The following SEMA5A variants were observed in gnomAD, a reference collection of about 807,000 sequenced individuals.
The protein encoded by SEMA5A is semaphorin 5A.
SEMA5A carries 55 observed loss-of-function variants against 135.5 expected under a neutral mutation model. The observed-to-expected ratio is 0.41, with a 90% CI of 0.33 to 0.51. The LOEUF (loss-of-function observed/expected upper bound fraction) is 0.51, where lower values mean the gene tolerates loss of function less well. Among genes scored for constraint, SEMA5A ranks in the 20% least tolerant of loss-of-function variants. The probability of loss-of-function intolerance (pLI) is 0.37; values close to 1 mark genes in which losing one functional copy is unlikely to be tolerated. For missense variants in SEMA5A, 1,290 were observed against 1,419.9 expected (o/e 0.91, Z 1.47); for synonymous variants, 580 against 546.5 (o/e 1.06, Z -0.85).
intron 16 of SEMA5A, among the ~76,000 whole-genome samples, chr5:9,084,338 T>C (rs1310430199): frequency 6.6e-6 from 1 of 152,146 alleles, no homozygotes; most frequent in East Asian, 1.9e-4. Flanking sequence ...GGGCTCCTTG[T>C]TCTCCAGTGA....
At chr5:9,354,156 G>A (rs1262511454) in intron 3 of SEMA5A, among the ~76,000 whole-genome samples, 1 of 152,076 alleles carries the variant, frequency 6.6e-6, no homozygotes, top group Non-Finnish European at 1.5e-5. Flanking sequence ...TCCTTCCATT[G>A]GCTTTGCCCT....
chr5:9,105,099 A>G (rs954017814), intron 16 of SEMA5A, among the ~76,000 whole-genome samples: 3 of 152,188 alleles, frequency 2.0e-5, no homozygotes, highest in Non-Finnish European at 4.4e-5. Context: ...ACAGCACAAG[A>G]TCCAGGTCCT....
intron 4 of SEMA5A, among the ~76,000 whole-genome samples, chr5:9,328,045 T>A (rs949856596): frequency 6.6e-6 from 1 of 152,220 alleles, no homozygotes; most frequent in Non-Finnish European, 1.5e-5. Flanking sequence ...ATCTGAGATC[T>A]TTTTTCTCAT....
intron 2 of SEMA5A, among the ~76,000 whole-genome samples, chr5:9,395,733 C>G (rs1295009566): frequency 6.6e-6 from 1 of 152,166 alleles, no homozygotes; most frequent in Non-Finnish European, 1.5e-5. Flanking sequence ...ACATGTTTTT[C>G]TCTGTATGCA....
intron 1 of SEMA5A, among the ~76,000 whole-genome samples, chr5:9,441,725 T>G (rs1758243817): frequency 6.6e-6 from 1 of 150,982 alleles, no homozygotes; most frequent in Non-Finnish European, 1.5e-5. Context: ...GCATCAGGAG[T>G]GTGTGGAGGC....
At chr5:9,121,791 T>C (rs1740825905) in intron 14 of SEMA5A, among the ~76,000 whole-genome samples, 1 of 152,242 alleles carries the variant, frequency 6.6e-6, no homozygotes, top group Admixed American at 6.5e-5. Flanking sequence ...GTCGGCCTTT[T>C]GCTCCTGCAC....
At chr5:9,521,058 TG>T (rs1736798953) in intron 1 of SEMA5A, among the ~76,000 whole-genome samples, 1 of 152,064 alleles carries the variant, frequency 6.6e-6, no homozygotes, top group Non-Finnish European at 1.5e-5. Context: ...GGGCACAGAG[TG>T]CATAGGAACT....
In SEMA5A at chr5:9,108,222, C is replaced by T. The variant is rs199952121; in HGVS notation, c.1991G>A (p.Arg664Gln). ...GCCACCCCCGCATTGGGCTGTGCAC[C>T]GTTCCCAAGGACCCCAGCCTGTCCA... is the stretch of plus-strand genomic sequence containing the variant. The part of the protein sequence containing the change: ...MFWTGWGPWE[R>Q]CTAQCGGGIQ... The change falls in exon 16 of 23, where the codon CGG becomes CAG. Residue 664 changes from arginine (R) to glutamine (Q), a missense_variant. This residue lies in a region of SEMA5A where 1,029 missense variants were observed against 1,086.6 expected (regional missense o/e 0.95). Transcript: ENST00000382496. The T allele has an allele frequency of 2.0e-5, 33 of 1,614,156 alleles. No individual in the cohort carries two copies. The East Asian group carries it at 3.8e-4, about 19-fold the overall frequency.
chr5:9,414,800 G>C (rs1757228142), intron 2 of SEMA5A, among the ~76,000 whole-genome samples: 1 of 152,162 alleles, frequency 6.6e-6, no homozygotes, highest in South Asian at 2.1e-4. Flanking sequence ...TCTACCCTGG[G>C]AAAGTGACAT....
intron 4 of SEMA5A, among the ~76,000 whole-genome samples, chr5:9,324,957 C>CAAAT (rs1467516608): frequency 6.6e-6 from 1 of 152,148 alleles, no homozygotes; most frequent in Non-Finnish European, 1.5e-5. Context: ...CAACCCAAAG[C>CAAAT]ATTTAAGTGA....
chr5:9,448,824 G>A (rs1758528241), intron 1 of SEMA5A, among the ~76,000 whole-genome samples: 1 of 152,134 alleles, frequency 6.6e-6, no homozygotes, highest in South Asian at 2.1e-4. Flanking sequence ...ATGTGATGCT[G>A]GCTTTTCTGT....
At position 9,202,222 on chromosome 5, in the gene SEMA5A, G is replaced by C. The variant is rs201824915; in HGVS notation, c.665C>G (p.Ser222Cys). Reference sequence around the variant, plus strand: ...GTAGGTAAAATTTCCGATGTCATAAGATGACACAAAGTTTGGCTCTGGAAA... The same window carrying C: ...GTAGGTAAAATTTCCGATGTCATAACATGACACAAAGTTTGGCTCTGGAAA... ...KWLNEPNFVS[S>C]YDIGNFTYFF... Residue 222 changes from serine to cysteine, a missense_variant, in exon 9 of 23, where the codon TCT becomes TGT. Ser to Cys is a moderately radical substitution (Grantham distance 112). Around this residue, in one of 3 missense-constraint regions of SEMA5A, gnomAD observed 145 missense variants for 212.0 expected, o/e 0.68. Transcript: ENST00000382496. 89 of 1,613,176 alleles carry C rather than the reference G, an allele frequency of 5.5e-5. No homozygotes were observed. Among genetic ancestry groups the C allele is most frequent in the Non-Finnish European group, 2.1e-5 (25 of 1,179,430 alleles).
chr5:9,047,121 G>A (rs1471398525), intron 21 of SEMA5A, among the ~76,000 whole-genome samples: 1 of 152,188 alleles, frequency 6.6e-6, no homozygotes, highest in East Asian at 1.9e-4. Context: ...ATAAGCAAGA[G>A]CTGATTTCAC....
intron 16 of SEMA5A, among the ~76,000 whole-genome samples, chr5:9,106,948 G>C (rs1389530168): frequency 6.6e-6 from 1 of 152,056 alleles, no homozygotes; most frequent in Non-Finnish European, 1.5e-5. Context: ...AATCTCCTTG[G>C]GTCTGGTGTA....
At chr5:9,245,331 T>G (rs746685589) in intron 5 of SEMA5A, among the ~76,000 whole-genome samples, 3 of 152,116 alleles carry the variant, frequency 2.0e-5, no homozygotes, top group Non-Finnish European at 4.4e-5. Flanking sequence ...ATCAGAAGGT[T>G]CAGGCATTCC....
chr5:9,109,028 A>ATTTTTTTTTTTTTTTTTTT (rs67762219), intron 15 of SEMA5A, among the ~76,000 whole-genome samples: 6 of 92,446 alleles, frequency 6.5e-5, no homozygotes, highest in African/African-American at 1.4e-4. Context: ...TTTCTCTTCA[A>ATTTTTTTTTTTTTTTTTTT]TTTTTTTTTT....
intron 5 of SEMA5A, among the ~76,000 whole-genome samples, chr5:9,303,864 A>C (rs544327045): frequency 8.5e-5 from 13 of 152,226 alleles, no homozygotes; most frequent in Non-Finnish European, 1.6e-4. Context: ...ACATATTTTG[A>C]AATTTGAGCT....
At chr5:9,102,373 A>G (rs1335205855) in intron 16 of SEMA5A, among the ~76,000 whole-genome samples, 1 of 152,208 alleles carries the variant, frequency 6.6e-6, no homozygotes, top group Non-Finnish European at 1.5e-5. Context: ...AAGACAGGAA[A>G]TGAGTATTTC....
intron 1 of SEMA5A, among the ~76,000 whole-genome samples, chr5:9,441,709 A>AG (rs1758242354): frequency 6.6e-6 from 1 of 152,180 alleles, no homozygotes; most frequent in Non-Finnish European, 1.5e-5. Context: ...AGGAGCAGGG[A>AG]GGGTGGCATC....
Sources: allele counts gnomAD v4.1 joint callset (sites outside exome capture counted in the v4.1 genomes callset), GRCh38; gene constraint gnomAD v4.1.1; regional missense constraint gnomAD v4.1.1; transcripts MANE v1.5; gene names NCBI Gene and HGNC (gene_info 2026-07-23, HGNC 2026-07-21).